The following STIP1 variants were observed in gnomAD, a reference collection of about 807,000 sequenced individuals.
STIP1 encodes stress induced phosphoprotein 1, also known as stress-induced-phosphoprotein 1.
Under a neutral mutation model 77.4 loss-of-function variants are expected in STIP1, and 16 were observed. That is an observed-to-expected ratio of 0.21 (90% confidence interval 0.14 to 0.31). The LOEUF (loss-of-function observed/expected upper bound fraction) is 0.31. Among genes scored for constraint, STIP1 ranks in the 10% least tolerant of loss-of-function variants. STIP1 has a pLI of 1.00. For missense variants in STIP1, 524 were observed against 684.8 expected (o/e 0.77, Z 2.62); for synonymous variants, 258 against 246.6 (o/e 1.05, Z -0.44).
intron 1 of STIP1, among the ~76,000 whole-genome samples, chr11:64,189,431 G>A (rs1285387600): frequency 6.6e-6 from 1 of 152,154 alleles, no homozygotes; most frequent in Admixed American, 6.5e-5. Flanking sequence ...GGAGGCTGAG[G>A]CAGGACAATT....
intron 11 of STIP1, 81 bp from the exon 12 acceptor site, chr11:64,203,044 G>A: frequency 6.3e-7 from 1 of 1,592,242 alleles, no homozygotes; most frequent in African/African-American, 1.3e-5. Flanking sequence ...GGTGTGAACA[G>A]TGTTGGTGTG....
At position 64,199,990 on chromosome 11, in the gene STIP1, C is replaced by G. The variant is rs372110122; in HGVS notation, c.1074C>G (p.Asp358Glu). 5 of 1,614,026 alleles carry G rather than the reference C, an allele frequency of 3.1e-6. No homozygotes were observed. Among genetic ancestry groups the G allele is most frequent in the Non-Finnish European group, 3.4e-6 (4 of 1,180,040 alleles). The part of the protein sequence containing the change: ...EQERLAYINP[D>E]LALEEKNKGN... ...AGCGGCTGGCCTACATAAACCCCGA[C>G]CTGGCTTTGGAGGAGAAGAACAAAG... The change falls in exon 9 of 14, where the codon GAC becomes GAG. Residue 358 changes from aspartate (D) to glutamate (E), a missense_variant. By Grantham distance (45) the Asp-to-Glu change is conservative (BLOSUM62 2). Transcript: ENST00000305218.
intron 4 of STIP1, 34 bp downstream of exon 4, chr11:64,194,654 T>C: frequency 6.2e-7 from 1 of 1,605,950 alleles, no homozygotes; most frequent in Non-Finnish European, 8.5e-7. Context: ...GTTCTGGAAA[T>C]CGGGGAATGT....
rs780487692 is a variant in STIP1, at chr11:64,203,267, CT to C, written c.1386+42del. On this transcript the variant is annotated intron_variant, in intron 12 of 13. Coordinates refer to ENST00000305218, the MANE Select transcript of STIP1 (RefSeq NM_006819.3). Reference sequence around the variant, plus strand: ...TGGCCTCCAGGGGCCCCCCCTGCCTCTTTCTCTGTTGGGGCTTTTCCATGTT... The same window carrying C: ...TGGCCTCCAGGGGCCCCCCCTGCCTCTTCTCTGTTGGGGCTTTTCCATGTT... 3.7e-6 allele frequency: 6 copies of C among 1,607,856 alleles called. No individual in the cohort carries two copies. In the South Asian group the frequency reaches 6.6e-5, roughly 18 times the overall value.
At chr11:64,196,713 G>A (rs1263215034) in intron 5 of STIP1, 1 of 156,570 alleles carries the variant, frequency 6.4e-6, no homozygotes, top group African/African-American at 2.4e-5. Context: ...TTGTAAACTG[G>A]AACAGCAGAT....
In STIP1 at chr11:64,194,474, G is replaced by A; in HGVS notation, c.362-5G>A. 2 of 1,614,038 alleles carry A rather than the reference G, an allele frequency of 1.2e-6. No individual in the cohort carries two copies. The highest frequency in any genetic ancestry group is 4.5e-5 in the East Asian group (2 of 44,882). On this transcript the variant is annotated splice_region_variant and splice_polypyrimidine_tract_variant and intron_variant, in intron 3 of 13. Transcript: ENST00000305218. Reference sequence around the variant, plus strand: ...ATAGTGATGTGCTTTCCTTTATTTGGACAGAGAGAAAATTCATGAACCCTT... The same window carrying A: ...ATAGTGATGTGCTTTCCTTTATTTGAACAGAGAGAAAATTCATGAACCCTT...
In STIP1 at chr11:64,201,407, GT is replaced by G. The variant is rs374455996; in HGVS notation, c.1245+1118del. On this transcript the variant is annotated intron_variant, in intron 10 of 13. Transcript: ENST00000305218. ...CTGTACCATCCTTGCTTGCTTTTCTGTTTTGCTCAGCTAGGTAGGTCTGCTG... is the reference window on the plus strand; with the variant it reads ...CTGTACCATCCTTGCTTGCTTTTCTGTTTGCTCAGCTAGGTAGGTCTGCTG... 3.2e-3 allele frequency among the ~76,000 whole-genome samples: 482 copies of G among 152,262 alleles called. 2 individuals carry two copies. Among genetic ancestry groups the G allele is most frequent in the African/African-American group, 0.011 (457 of 41,542 alleles).
At position 64,199,992 on chromosome 11, in the gene STIP1, T is replaced by G. The variant is rs1170989130; in HGVS notation, c.1076T>G (p.Leu359Arg). ...CGGCTGGCCTACATAAACCCCGACCTGGCTTTGGAGGAGAAGAACAAAGGC... is the reference window on the plus strand; with the variant it reads ...CGGCTGGCCTACATAAACCCCGACCGGGCTTTGGAGGAGAAGAACAAAGGC... ...QERLAYINPD[L>R]ALEEKNKGNE... Residue 359 changes from leucine (L) to arginine (R), a missense_variant, in exon 9 of 14, where the codon CTG (leucine) becomes CGG (arginine). Leu to Arg is a moderately radical substitution (Grantham distance 102, BLOSUM62 -2). Transcript: ENST00000305218. 6.2e-7 allele frequency: 1 copy of G among 1,614,210 alleles called. No individual in the cohort carries two copies. Among genetic ancestry groups the G allele is most frequent in the Non-Finnish European group, 8.5e-7 (1 of 1,180,044 alleles).
intron 5 of STIP1, chr11:64,197,001 C>T: frequency 4.8e-6 from 2 of 413,598 alleles, no homozygotes; most frequent in South Asian, 2.8e-5. Flanking sequence ...AAGGGATTTC[C>T]TCTCCCCTAA....
At chr11:64,188,968 G>A (rs1227322679) in intron 1 of STIP1, among the ~76,000 whole-genome samples, 1 of 152,188 alleles carries the variant, frequency 6.6e-6, no homozygotes, top group African/African-American at 2.4e-5. Context: ...TGTAATCCCA[G>A]CACTTTGGGA....
rs1365151666 is a variant in STIP1 at position 64,197,281 on chromosome 11, A to T, written c.683A>T (p.Glu228Val). Residue 228 changes from glutamate to valine, a missense_variant, in exon 6 of 14, where the codon GAA (glutamate) becomes GTA (valine). Transcript: ENST00000305218. Reference protein sequence around the residue: ...LPENKKQALKEKELGNDAYKK... With the variant: ...LPENKKQALKVKELGNDAYKK... The stretch of plus-strand genomic sequence containing the variant: ...CTAAACCTCATCTAGGCACTGAAAG[A>T]AAAAGAGCTGGGGAACGATGCCTAC... The T allele has an allele frequency of 6.2e-7, 1 of 1,614,110 alleles. No homozygotes were observed. Among genetic ancestry groups the T allele is most frequent in the Non-Finnish European group, 8.5e-7 (1 of 1,180,022 alleles).
intron 2 of STIP1, 56 bp downstream of exon 2, chr11:64,193,343 T>A: frequency 6.4e-7 from 1 of 1,561,816 alleles, no homozygotes; most frequent in African/African-American, 1.4e-5. Flanking sequence ...AGAAATGCCT[T>A]TTGGTGGCCT....
In STIP1 at chr11:64,194,494, A is replaced by C; in HGVS notation, c.377A>C (p.Asn126Thr). The C allele has an allele frequency of 1.2e-6, 2 of 1,614,004 alleles. No homozygotes were observed. Among genetic ancestry groups the C allele is most frequent in the Non-Finnish European group, 1.7e-6 (2 of 1,180,002 alleles). ...EARLAERKFM[N>T]PFNMPNLYQK... ...ATTTGGACAGAGAGAAAATTCATGA[A>C]CCCTTTCAACATGCCTAATCTGTAT... is the stretch of plus-strand genomic sequence containing the variant. The change falls in exon 4 of 14, where the codon AAC becomes ACC. Residue 126 changes from asparagine (N) to threonine (T), a missense_variant. Transcript: ENST00000305218.
chr11:64,200,417 G>T (rs1448150834), intron 10 of STIP1, 124 bp downstream of exon 10: 3 of 1,435,170 alleles, frequency 2.1e-6, no homozygotes, highest in African/African-American at 2.9e-5. Flanking sequence ...GTCTCACTCT[G>T]TCCTGCCTCA....
chr11:64,188,356 AAAAG>A (rs1211344916), intron 1 of STIP1, among the ~76,000 whole-genome samples: 10 of 151,264 alleles, frequency 6.6e-5, no homozygotes, highest in Admixed American at 1.3e-4. Context: ...AAAAAAAAAA[AAAAG>A]AAAAGAAACG....
chr11:64,195,899 T>C (rs1298422416), intron 5 of STIP1, 86 bp downstream of exon 5: 10 of 1,566,912 alleles, frequency 6.4e-6, no homozygotes, highest in East Asian at 2.2e-5. Flanking sequence ...TTGACCTTGA[T>C]TGACCATGAT....
intron 8 of STIP1, among the ~76,000 whole-genome samples, chr11:64,199,065 T>C (rs187105529): frequency 1.3e-5 from 2 of 151,714 alleles, no homozygotes; most frequent in East Asian, 3.9e-4. Context: ...CTGGGCGCAG[T>C]GGCAGGCGCC....
At chr11:64,202,779 G>A (rs1946233737) in intron 10 of STIP1, 97 bp from the exon 11 acceptor site, 1 of 1,350,058 alleles carries the variant, frequency 7.4e-7, no homozygotes, top group Admixed American at 1.7e-5. Flanking sequence ...TTTGGTGCTG[G>A]GTGAGGCATT....
chr11:64,201,899 T>C (rs1946222718), intron 10 of STIP1, among the ~76,000 whole-genome samples: 1 of 152,274 alleles, frequency 6.6e-6, no homozygotes, highest in Non-Finnish European at 1.5e-5. Context: ...CATAGTGTTC[T>C]CTTCCTCATC....
Sources: gnomAD v4.1 joint callset for allele counts (sites outside exome capture counted in the v4.1 genomes callset) on GRCh38, gnomAD v4.1.1 for gene constraint, MANE v1.5 for transcripts, NCBI Gene and HGNC (gene_info 2026-07-23, HGNC 2026-07-21) for gene names.